CCDC90B: variants seen among roughly 807,000 people sequenced by gnomAD.
CCDC90B encodes coiled-coil domain-containing protein 90B, mitochondrial.
Under a neutral mutation model 37.0 loss-of-function variants are expected in CCDC90B, and 24 were observed. That is an observed-to-expected ratio of 0.65 (90% confidence interval 0.47 to 0.91). The LOEUF (loss-of-function observed/expected upper bound fraction) is 0.91. Among genes scored for constraint, CCDC90B ranks in the 40% least tolerant of loss-of-function variants. The pLI, the probability that CCDC90B is intolerant of heterozygous loss-of-function variation, is 0.00. For synonymous variants in CCDC90B, 113 were observed against 101.1 expected, an observed-to-expected ratio of 1.12 and a Z score of -0.71; for missense variants, 319 against 299.0, an observed-to-expected ratio of 1.07 and a Z score of -0.49.
rs148744063 is a variant in CCDC90B at position 83,265,877 on chromosome 11, G to T, written c.697C>A (p.Arg233Ser). 5.0e-6 allele frequency: 8 copies of T among 1,601,114 alleles called. No individual in the cohort carries two copies. The South Asian group carries it at 7.8e-5, about 16-fold the overall frequency. ...LMESNKLETI[R>S]YLAASVFTCL... ...CTGACAGTCTTACCTGCAAGATAAC[G>T]AATTGTCTCAAGTTTGTTAGATTCC... Residue 233 changes from arginine to serine, a missense_variant, in exon 8 of 9, where the codon CGT becomes AGT. Physicochemically the swap from Arg to Ser is moderately radical, Grantham distance 110. Coordinates refer to ENST00000529689, the MANE Select transcript of CCDC90B (RefSeq NM_021825.5).
chr11:83,262,829 A>G (rs1158347008), intron 8 of CCDC90B, among the ~76,000 whole-genome samples: 11 of 152,144 alleles, frequency 7.2e-5, no homozygotes, highest in African/African-American at 2.7e-4. Flanking sequence ...TCTCTAAGAA[A>G]TATAGAGAAG....
At chr11:83,274,144 A>G (rs539170920) in intron 4 of CCDC90B, 152 bp from the exon 5 acceptor site, 9 of 452,568 alleles carry the variant, frequency 2.0e-5, no homozygotes, top group African/African-American at 1.4e-4. Flanking sequence ...AGAAACTAGT[A>G]AGCCACTGTA....
intron 4 of CCDC90B, chr11:83,274,349 C>T (rs929264690): frequency 2.2e-5 from 6 of 271,292 alleles, no homozygotes; most frequent in African/African-American, 1.1e-4. Flanking sequence ...GTATTACTCT[C>T]AGCTCTGAAA....
At chr11:83,267,368 A>G (rs1864346215) in intron 7 of CCDC90B, 1 of 152,232 alleles carries the variant, frequency 6.6e-6, no homozygotes, top group African/African-American at 2.4e-5. Context: ...AAAACCTTGA[A>G]AAAAGATTAG....
At chr11:83,275,273 T>C (rs575742678) in intron 3 of CCDC90B, among the ~76,000 whole-genome samples, 1 of 152,302 alleles carries the variant, frequency 6.6e-6, no homozygotes, top group African/African-American at 2.4e-5. Flanking sequence ...ATGTGAAAGG[T>C]AGCACTTACC....
chr11:83,274,500 T>C, intron 4 of CCDC90B, 139 bp downstream of exon 4: 1 of 526,492 alleles, frequency 1.9e-6, no homozygotes, highest in Non-Finnish European at 3.4e-6. Flanking sequence ...GTTAAACAAA[T>C]AGTATGTTTT....
intron 7 of CCDC90B, chr11:83,273,253 C>CTTTTTTTTT (rs1258332862): frequency 8.9e-6 from 1 of 112,282 alleles, no homozygotes; most frequent in Non-Finnish European, 1.8e-5. Flanking sequence ...TAGTTATTTT[C>CTTTTTTTTT]TTTTTTTTTT....
chr11:83,266,773 A>G (rs1366778179), intron 7 of CCDC90B: 1 of 152,292 alleles, frequency 6.6e-6, no homozygotes, highest in East Asian at 1.9e-4. Context: ...ACAGCGTTTG[A>G]GCTCTGAGAA....
chr11:83,268,038 A>G (rs1419615993), intron 7 of CCDC90B, among the ~76,000 whole-genome samples: 1 of 152,216 alleles, frequency 6.6e-6, no homozygotes, highest in East Asian at 1.9e-4. Context: ...AAAATCCTTT[A>G]CAGACAAGCA....
intron 3 of CCDC90B, among the ~76,000 whole-genome samples, chr11:83,276,380 C>G (rs1865028356): frequency 1.3e-5 from 2 of 152,142 alleles, no homozygotes. Flanking sequence ...CAGAGCCTTG[C>G]TCTGTCACTC....
At chr11:83,285,278 C>T (rs1240934323) in intron 1 of CCDC90B, 1 of 1,267,672 alleles carries the variant, frequency 7.9e-7, no homozygotes, top group East Asian at 5.6e-5. Flanking sequence ...GCCCTAGAAA[C>T]ATTTCTCTGA....
chr11:83,279,071 C>G (rs1396719189), intron 2 of CCDC90B, among the ~76,000 whole-genome samples: 1 of 152,052 alleles, frequency 6.6e-6, no homozygotes, highest in Non-Finnish European at 1.5e-5. Context: ...ATCACAAGGT[C>G]AGGAGATTGA....
chr11:83,274,596 G>A, intron 4 of CCDC90B, 43 bp downstream of exon 4: 1 of 1,160,012 alleles, frequency 8.6e-7, no homozygotes, highest in Non-Finnish European at 1.3e-6. Context: ...TGCTTATTAT[G>A]AGATCAGTTA....
At chr11:83,279,995 C>G in intron 2 of CCDC90B, 146 bp downstream of exon 2, 1 of 679,826 alleles carries the variant, frequency 1.5e-6, no homozygotes, top group Non-Finnish European at 2.3e-6. Context: ...CAAACAGTAT[C>G]ATTTTTAGTG....
chr11:83,264,942 GCTC>G, intron 8 of CCDC90B, among the ~76,000 whole-genome samples: 1 of 126,652 alleles, frequency 7.9e-6, no homozygotes, highest in Non-Finnish European at 1.6e-5. Flanking sequence ...GGAACATCAC[GCTC>G]TGGGGACTGT....
chr11:83,265,697 A>G (rs1864216758), intron 8 of CCDC90B, among the ~76,000 whole-genome samples, 168 bp downstream of exon 8: 1 of 152,208 alleles, frequency 6.6e-6, no homozygotes, highest in South Asian at 2.1e-4. Flanking sequence ...AGACTCCAAA[A>G]AATATATCCT....
intron 8 of CCDC90B, 82 bp from the exon 9 acceptor site, chr11:83,262,048 T>A: frequency 4.2e-6 from 4 of 956,088 alleles, no homozygotes; most frequent in African/African-American, 3.4e-5. Flanking sequence ...TATCTTTAAG[T>A]GAAGAGCAAA....
At chr11:83,282,709 A>C (rs952098160) in intron 1 of CCDC90B, among the ~76,000 whole-genome samples, 3 of 152,148 alleles carry the variant, frequency 2.0e-5, no homozygotes, top group African/African-American at 7.2e-5. Context: ...TTTATCCTTC[A>C]GAGCTCAGTC....
At chr11:83,285,293 A>C in intron 1 of CCDC90B, 2 of 1,258,624 alleles carry the variant, frequency 1.6e-6, no homozygotes, top group South Asian at 2.7e-5. Flanking sequence ...CTCTGAATAA[A>C]GTTAGATGTC....
Sources: gnomAD v4.1 joint callset for allele counts (sites outside exome capture counted in the v4.1 genomes callset) on GRCh38, gnomAD v4.1.1 for gene constraint, MANE v1.5 for transcripts, NCBI Gene and HGNC (gene_info 2026-07-23, HGNC 2026-07-21) for gene names.